The following RANBP17 variants were observed in gnomAD, a reference collection of about 807,000 sequenced individuals.
The protein encoded by RANBP17 is RAN binding protein 17.
In RANBP17, 158 loss-of-function variants were observed where a neutral mutation model predicts 141.2. That is an observed-to-expected ratio of 1.12 (90% CI 0.98 to 1.28). RANBP17 has a LOEUF of 1.28. Ranked by LOEUF, RANBP17 falls within the 50% of genes most tolerant of loss-of-function variation. The probability of loss-of-function intolerance (pLI) is 0.00; values close to 1 mark genes in which losing one functional copy is unlikely to be tolerated. For missense variants in RANBP17, 1,438 were observed against 1,290.7 expected (o/e 1.11, Z -1.75); for synonymous variants, 430 against 450.0 (o/e 0.96, Z 0.56).
chr5:170,916,271 A>G (rs953926136), intron 8 of RANBP17, among the ~76,000 whole-genome samples, 194 bp from the exon 9 acceptor site: 11 of 113,230 alleles, frequency 9.7e-5, no homozygotes, highest in African/African-American at 3.6e-4. Flanking sequence ...ATAATGCGTT[A>G]TATTCTATAT....
At chr5:171,294,081 C>A in intron 26 of RANBP17, 100 bp downstream of exon 26, 1 of 890,412 alleles carries the variant, frequency 1.1e-6, no homozygotes, top group Non-Finnish European at 1.9e-6. Context: ...AGGAGCAGAG[C>A]CAATTGAATT....
intron 12 of RANBP17, among the ~76,000 whole-genome samples, chr5:170,938,046 C>T (rs1219261768): frequency 1.3e-5 from 2 of 152,094 alleles, no homozygotes; most frequent in African/African-American, 4.8e-5. Context: ...TGTGTCTCTC[C>T]TTTCTCTGAC....
At chr5:171,258,163 C>A (rs1430413180) in intron 24 of RANBP17, among the ~76,000 whole-genome samples, 1 of 141,260 alleles carries the variant, frequency 7.1e-6, no homozygotes, top group Admixed American at 7.1e-5. Flanking sequence ...ACACACACCC[C>A]TAGGAATGCA....
At position 170,918,826 on chromosome 5, in the gene RANBP17, A is replaced by C. The variant is rs1402854915; in HGVS notation, c.1068A>C (p.Arg356Ser). The C allele has an allele frequency of 2.5e-6, 4 of 1,586,356 alleles. No individual in the cohort carries two copies. Among genetic ancestry groups the C allele is most frequent in the Non-Finnish European group, 3.4e-6 (4 of 1,164,274 alleles). ...TGAAGGAATATCCTGAAGTTATTAG[A>C]TTGATTGCTAATTTTACCATTACTA... ...VMVKEYPEVI[R>S]LIANFTITSL... The change falls in exon 10 of 28, where the codon AGA becomes AGC. Residue 356 changes from arginine to serine, a missense_variant. Arg to Ser is a moderately radical substitution (Grantham distance 110). Transcript: ENST00000523189.
In RANBP17 at chr5:171,274,149, T is replaced by TGTGTGCGC. The variant is rs34291143; in HGVS notation, c.2943+8303_2943+8304insTGTGCGCG. ...GTGTGTGTGTGTGTGTGTGTGTGTGTGCGCGCGCGCGCGCGTGCGCAAAAT... is the reference window on the plus strand; with the variant it reads ...GTGTGTGTGTGTGTGTGTGTGTGTGTGTGTGCGCGCGCGCGCGCGCGCGTGCGCAAAAT... On this transcript the variant is annotated intron_variant, in intron 25 of 27. Coordinates refer to ENST00000523189, the MANE Select transcript of RANBP17 (RefSeq NM_022897.5). Among the ~76,000 whole-genome samples the TGTGTGCGC allele has an allele frequency of 5.0e-3, 634 of 126,764 alleles. 2 individuals carry two copies. The highest frequency in any genetic ancestry group is 7.6e-3 in the Non-Finnish European group (452 of 59,852). 83.2% of individuals were successfully genotyped at this position (126,764 alleles called of 152,430 possible).
chr5:171,135,940 T>C (rs986944562), intron 14 of RANBP17, among the ~76,000 whole-genome samples: 1 of 152,170 alleles, frequency 6.6e-6, no homozygotes, highest in African/African-American at 2.4e-5. Flanking sequence ...CTTTATCAAG[T>C]TTAAAGAATA....
intron 12 of RANBP17, among the ~76,000 whole-genome samples, chr5:170,948,662 C>A (rs761316927): frequency 1.3e-5 from 2 of 152,164 alleles, no homozygotes; most frequent in African/African-American, 2.4e-5. Flanking sequence ...CCGGTGCAAT[C>A]CACTTTAAAA....
chr5:171,200,732 T>C (rs1396751495), intron 19 of RANBP17, among the ~76,000 whole-genome samples: 2 of 152,090 alleles, frequency 1.3e-5, no homozygotes, highest in Non-Finnish European at 2.9e-5. Context: ...AGAAGCCAAA[T>C]AGAAAAATGA....
chr5:171,095,789 T>C (rs1433380751), intron 14 of RANBP17, among the ~76,000 whole-genome samples: 1 of 152,122 alleles, frequency 6.6e-6, no homozygotes, highest in East Asian at 1.9e-4. Flanking sequence ...GTCAAAAATC[T>C]GAGCGTAACT....
chr5:171,050,346 G>A (rs1325202094), intron 14 of RANBP17, among the ~76,000 whole-genome samples: 1 of 152,146 alleles, frequency 6.6e-6, no homozygotes, highest in Admixed American at 6.6e-5. Context: ...AAAGTAGAAT[G>A]TAAGTCCCCT....
intron 12 of RANBP17, among the ~76,000 whole-genome samples, chr5:170,939,782 A>G (rs1774185675): frequency 6.6e-6 from 1 of 152,214 alleles, no homozygotes. Context: ...AAAAGACAGA[A>G]GCATGTCAGA....
At chr5:170,987,896 G>A (rs777626768) in intron 14 of RANBP17, among the ~76,000 whole-genome samples, 10 of 151,326 alleles carry the variant, frequency 6.6e-5, no homozygotes, top group Non-Finnish European at 1.2e-4. Flanking sequence ...AAAAATATGG[G>A]CTTAGTTTTT....
chr5:170,942,818 T>C lies in RANBP17; in HGVS notation c.1469-10779T>C, dbSNP rs146065442. 1.2e-3 allele frequency among the ~76,000 whole-genome samples: 176 copies of C among 152,322 alleles called. 6 individuals carry two copies. In the East Asian group the frequency reaches 0.029, roughly 25 times the overall value. ...ACAGATTCAGTTGGAAAAGACCTATTTTCCTTCAAAAGGATATTGAATGAA... is the reference window on the plus strand; with the variant it reads ...ACAGATTCAGTTGGAAAAGACCTATCTTCCTTCAAAAGGATATTGAATGAA... On this transcript the variant is annotated intron_variant, in intron 12 of 27. Coordinates refer to ENST00000523189, the MANE Select transcript of RANBP17 (RefSeq NM_022897.5).
intron 3 of RANBP17, among the ~76,000 whole-genome samples, chr5:170,886,226 G>A (rs1769132266): frequency 6.6e-6 from 1 of 152,148 alleles, no homozygotes; most frequent in South Asian, 2.1e-4. Context: ...AACTCATGGG[G>A]TTCTGAGTGG....
At chr5:170,973,712 A>G (rs1777154113) in intron 14 of RANBP17, among the ~76,000 whole-genome samples, 2 of 152,340 alleles carry the variant, frequency 1.3e-5, no homozygotes, top group South Asian at 2.1e-4. Flanking sequence ...AACAAATACC[A>G]TAAACAACAA....
intron 18 of RANBP17, among the ~76,000 whole-genome samples, chr5:171,187,285 C>G (rs376555954): frequency 4.6e-5 from 7 of 151,968 alleles, no homozygotes; most frequent in African/African-American, 1.7e-4. Flanking sequence ...TCAAAGGGCA[C>G]AGATTACCAT....
intron 2 of RANBP17, among the ~76,000 whole-genome samples, chr5:170,879,240 T>A (rs1200789590): frequency 1.3e-5 from 2 of 152,156 alleles, no homozygotes; most frequent in East Asian, 3.8e-4. Flanking sequence ...TTAAGCACAT[T>A]CATCATTTAC....
At chr5:170,915,172 T>G (rs1054382500) in intron 8 of RANBP17, among the ~76,000 whole-genome samples, 3 of 152,148 alleles carry the variant, frequency 2.0e-5, no homozygotes, top group African/African-American at 7.2e-5. Context: ...TGTAATTATG[T>G]TTTGGGATAA....
intron 14 of RANBP17, among the ~76,000 whole-genome samples, chr5:171,163,203 G>C (rs1211882695): frequency 2.6e-5 from 4 of 152,118 alleles, no homozygotes; most frequent in African/African-American, 9.7e-5. Context: ...TATATTTAGT[G>C]ATGTTATTTG....
Sources: gnomAD v4.1 joint callset for allele counts (sites outside exome capture counted in the v4.1 genomes callset) on GRCh38, gnomAD v4.1.1 for gene constraint, MANE v1.5 for transcripts, NCBI Gene and HGNC (gene_info 2026-07-23, HGNC 2026-07-21) for gene names.